Variants in RBFOX2 observed in about 807,000 individuals in gnomAD.
RBFOX2 encodes RNA binding fox-1 homolog 2.
A neutral mutation model predicts 49.1 loss-of-function variants in RBFOX2; 10 were observed. That is an observed-to-expected ratio of 0.20 (90% CI 0.13 to 0.35). RBFOX2 has a LOEUF of 0.35. RBFOX2 is among the 10% of genes least tolerant of loss of function. The pLI is 1.00. For missense variants in RBFOX2, 323 were observed against 486.9 expected (o/e 0.66, Z 3.17); for synonymous variants, 183 against 187.4 (o/e 0.98, Z 0.19).
intron 1 of RBFOX2, among the ~76,000 whole-genome samples, chr22:35,825,121 G>C (rs1332659667): frequency 6.6e-6 from 1 of 152,258 alleles, no homozygotes; most frequent in African/African-American, 2.4e-5. Context: ...TTGGGAGGCT[G>C]AGACAGTAGA....
intron 1 of RBFOX2, among the ~76,000 whole-genome samples, chr22:35,819,745 A>G (rs2148416810): frequency 6.6e-6 from 1 of 152,350 alleles, no homozygotes; most frequent in East Asian, 1.9e-4. Context: ...TTTACATTCT[A>G]GTAGGAAGAG....
At chr22:35,999,217 G>GA (rs1342616076) in intron 1 of RBFOX2, 1 of 151,654 alleles carries the variant, frequency 6.6e-6, no homozygotes, top group South Asian at 2.1e-4. Flanking sequence ...AAGACAACAA[G>GA]AAAAAATTAA....
rs1664944229 is a variant in RBFOX2, at chr22:35,897,504, T to C, written c.-34+41343A>G. On this transcript the variant is annotated intron_variant, in intron 1 of 13. Coordinates refer to the RBFOX2 transcript ENST00000359369. Reference sequence around the variant, plus strand: ...TTCAAAGTCTCTTGCTACCCACTGATAGGCAAAAGGTGGCAAGGGGTACGG... The same window carrying C: ...TTCAAAGTCTCTTGCTACCCACTGACAGGCAAAAGGTGGCAAGGGGTACGG... 6.1e-6 allele frequency: 5 copies of C among 819,250 alleles called. 1 individual carries two copies. The highest frequency in any genetic ancestry group is 5.1e-5 in the Admixed American group (3 of 58,720). 50.7% of individuals were successfully genotyped at this position (819,250 alleles called of 1,614,324 possible).
intron 1 of RBFOX2, among the ~76,000 whole-genome samples, chr22:35,879,825 G>A (rs1032562811): frequency 2.0e-5 from 3 of 152,166 alleles, no homozygotes. Context: ...AAAAACCTGG[G>A]CAAGAGAAGA....
At chr22:36,028,466 C>T in exon 1 of RBFOX2, 1 of 1,157,072 alleles carries the variant, frequency 8.6e-7, no homozygotes, top group Non-Finnish European at 1.1e-6. Flanking sequence ...GGGCGACCCG[C>T]GACAGGCCAC....
intron 1 of RBFOX2, among the ~76,000 whole-genome samples, chr22:35,870,189 C>T (rs1053638042): frequency 4.6e-5 from 7 of 152,012 alleles, no homozygotes; most frequent in Non-Finnish European, 8.8e-5. Context: ...AAAATTGGAA[C>T]GCAGGAGGCC....
At chr22:35,948,819 A>G (rs1046092895) in intron 1 of RBFOX2, among the ~76,000 whole-genome samples, 4 of 152,156 alleles carry the variant, frequency 2.6e-5, no homozygotes, top group African/African-American at 9.7e-5. Flanking sequence ...CTGTGGTTAA[A>G]TATACATAAA....
At chr22:35,988,722 A>C (rs1023616938) in intron 1 of RBFOX2, among the ~76,000 whole-genome samples, 13 of 152,218 alleles carry the variant, frequency 8.5e-5, no homozygotes, top group South Asian at 8.3e-4. Flanking sequence ...TGAGATGATC[A>C]GAGTTGTTTC....
chr22:35,995,183 T>C (rs2058138027), intron 1 of RBFOX2: 1 of 152,188 alleles, frequency 6.6e-6, no homozygotes, highest in South Asian at 2.1e-4. Context: ...GAGAACATCA[T>C]CTACCTTTTT....
In RBFOX2 at chr22:36,024,410, C is replaced by T. The variant is rs1029705967; in HGVS notation, c.186+3830G>A. Among the ~76,000 whole-genome samples, 6 of 152,208 alleles carry T rather than the reference C, an allele frequency of 3.9e-5. No homozygotes were observed. In the South Asian group the frequency reaches 1.2e-3, roughly 32 times the overall value. On this transcript the variant is annotated intron_variant, in intron 1 of 13. Coordinates refer to the RBFOX2 transcript ENST00000438146. ...TAGGATCGGAATGGTGTGAACTAAG[C>T]TGTCAGGGAAGGCTTCACAAAAGGA...
chr22:35,782,485 C>G (rs1428890545), intron 2 of RBFOX2, among the ~76,000 whole-genome samples: 3 of 152,154 alleles, frequency 2.0e-5, no homozygotes, highest in African/African-American at 7.2e-5. Flanking sequence ...CCACGCCCGT[C>G]TAATTTTTTG....
chr22:35,767,442 C>T (rs1941336633), intron 5 of RBFOX2, among the ~76,000 whole-genome samples: 2 of 151,926 alleles, frequency 1.3e-5, no homozygotes, highest in African/African-American at 4.8e-5. Context: ...GCCCTAAATG[C>T]TAAACCATTG....
chr22:35,797,747 C>A (rs1949037967), intron 2 of RBFOX2, among the ~76,000 whole-genome samples: 1 of 152,182 alleles, frequency 6.6e-6, no homozygotes, highest in South Asian at 2.1e-4. Context: ...GCATTGACTT[C>A]ATAGCTCCCT....
intron 1 of RBFOX2, among the ~76,000 whole-genome samples, chr22:35,896,197 T>G (rs1327488262): frequency 1.3e-5 from 2 of 152,164 alleles, no homozygotes; most frequent in Non-Finnish European, 2.9e-5. Flanking sequence ...AGTATTCCTA[T>G]AGCAAACCAC....
rs369419620 is a variant in RBFOX2, at chr22:35,749,493, CCTCT to C, written c.888-2936_888-2933del. Among the ~76,000 whole-genome samples the C allele has an allele frequency of 1.2e-4, 18 of 150,714 alleles. No individual in the cohort carries two copies. Among genetic ancestry groups the C allele is most frequent in the African/African-American group, 1.7e-4 (7 of 41,102 alleles). ...ATTAATTGTGTATCATGGATGTATT[CCTCT>C]CTCTCTCTCTTACACACACACACGC... On this transcript the variant is annotated intron_variant, in intron 9 of 11. Coordinates refer to ENST00000405409, the Ensembl canonical transcript of RBFOX2. This position sits in a 1 kb window ranked among gnomAD's most constrained non-coding sequence, Gnocchi z 4.1.
At chr22:35,836,959 CA>C (rs1957787744) in intron 1 of RBFOX2, among the ~76,000 whole-genome samples, 1 of 152,046 alleles carries the variant, frequency 6.6e-6, no homozygotes, top group South Asian at 2.1e-4. Context: ...TCTATATGCC[CA>C]AAAAATAAGA....
At chr22:35,844,267 A>G (rs2040882360), upstream of RBFOX2, among the ~76,000 whole-genome samples, 1 of 152,172 alleles carries the variant, frequency 6.6e-6, no homozygotes, top group South Asian at 2.1e-4. Flanking sequence ...TGAGGGTAGA[A>G]ATCATGTTTT....
At chr22:35,810,939 T>A (rs1405019475) in intron 1 of RBFOX2, among the ~76,000 whole-genome samples, 4 of 152,236 alleles carry the variant, frequency 2.6e-5, no homozygotes, top group Non-Finnish European at 5.9e-5. Flanking sequence ...TGACAAAAAA[T>A]ATATCATCAA....
intron 1 of RBFOX2, among the ~76,000 whole-genome samples, chr22:36,002,543 C>T (rs572006902): frequency 3.3e-5 from 5 of 152,330 alleles, no homozygotes; most frequent in Non-Finnish European, 5.9e-5. Flanking sequence ...TATCTATAAA[C>T]ATTTATGTGC....
Sources: allele counts gnomAD v4.1 joint callset (sites outside exome capture counted in the v4.1 genomes callset), GRCh38; gene constraint gnomAD v4.1.1; non-coding constraint Gnocchi (gnomAD v3.1); transcripts MANE v1.5; gene names NCBI Gene and HGNC (gene_info 2026-07-23, HGNC 2026-07-21).